Variants in CNTNAP5 observed in about 807,000 individuals in gnomAD.
The protein encoded by CNTNAP5 is contactin associated protein family member 5, also known as contactin-associated protein-like 5.
CNTNAP5 carries 72 observed loss-of-function variants against 150.2 expected under a neutral mutation model. The observed-to-expected ratio is 0.48, with a 90% CI of 0.40 to 0.58. The LOEUF (loss-of-function observed/expected upper bound fraction) is 0.58. Ranked by LOEUF, CNTNAP5 falls within the 20% of genes least tolerant of loss-of-function variation. The pLI, the probability that CNTNAP5 is intolerant of heterozygous loss-of-function variation, is 0.00. For synonymous variants in CNTNAP5, 672 were observed against 619.8 expected (o/e 1.08, Z -1.25); for missense variants, 1,636 against 1,626.2 (o/e 1.01, Z -0.10).
At chr2:124,194,701 TATAAC>T (rs1238713765) in intron 1 of CNTNAP5, among the ~76,000 whole-genome samples, 2 of 150,434 alleles carry the variant, frequency 1.3e-5, no homozygotes, top group African/African-American at 2.4e-5. Flanking sequence ...ATTATAATCA[TATAAC>T]ATAATATTTT....
chr2:124,214,135 A>G (rs1433084458), intron 1 of CNTNAP5, among the ~76,000 whole-genome samples: 3 of 152,154 alleles, frequency 2.0e-5, no homozygotes, highest in Admixed American at 2.0e-4. Context: ...CAGCTGTTGC[A>G]GTGACTGTGA....
At chr2:124,513,142 A>C (rs2104874139) in intron 8 of CNTNAP5, among the ~76,000 whole-genome samples, 1 of 152,308 alleles carries the variant, frequency 6.6e-6, no homozygotes, top group African/African-American at 2.4e-5. Context: ...ATATTTTCTC[A>C]GTTTTGGAGG....
rs1678777410 is a variant in CNTNAP5, at chr2:124,916,759, G to C, written c.*2471G>C. Reference sequence around the variant, plus strand: ...AACTGGCATCTTCCTCACGTGTGTAGACTCCATGCACACTACATACCACAG... The same window carrying C: ...AACTGGCATCTTCCTCACGTGTGTACACTCCATGCACACTACATACCACAG... On this transcript the variant is annotated 3_prime_UTR_variant, in exon 24 of 24. Transcript: ENST00000682447. Among the ~76,000 whole-genome samples, 1 of 151,978 alleles carries C rather than the reference G, an allele frequency of 6.6e-6. No homozygotes were observed. The highest frequency in any genetic ancestry group is 1.5e-5 in the Non-Finnish European group (1 of 67,982).
In CNTNAP5 at chr2:124,580,808, T is replaced by G. The variant is rs560391962; in HGVS notation, c.1756+17485T>G. ...CAAAACCTATGCATATGGAGTGATTTGCATGACAGTACTTGATTCTTTGCT... is the reference window on the plus strand; with the variant it reads ...CAAAACCTATGCATATGGAGTGATTGGCATGACAGTACTTGATTCTTTGCT... On this transcript the variant is annotated intron_variant, in intron 11 of 23. Transcript: ENST00000682447. Among the ~76,000 whole-genome samples the G allele has an allele frequency of 3.3e-5, 5 of 152,352 alleles. No homozygotes were observed. The South Asian group carries it at 1.0e-3, about 32-fold the overall frequency.
At chr2:124,490,452 AAG>A (rs1446643758) in intron 7 of CNTNAP5, among the ~76,000 whole-genome samples, 2 of 151,962 alleles carry the variant, frequency 1.3e-5, no homozygotes, top group Non-Finnish European at 2.9e-5. Context: ...AAGAGAAAGA[AAG>A]AGCAGGAATA....
At chr2:124,781,895 T>A (rs1448792040) in intron 17 of CNTNAP5, among the ~76,000 whole-genome samples, 1 of 152,184 alleles carries the variant, frequency 6.6e-6, no homozygotes, top group Admixed American at 6.5e-5. Context: ...TGGGGGTTAC[T>A]GTCAGGATGA....
chr2:124,029,103 T>C (rs1402999635), intron 1 of CNTNAP5, among the ~76,000 whole-genome samples: 1 of 152,080 alleles, frequency 6.6e-6, no homozygotes, highest in Non-Finnish European at 1.5e-5. Flanking sequence ...TGTTGCTACA[T>C]ATTAGGGTCA....
chr2:124,457,797 C>T (rs557469669), intron 6 of CNTNAP5, among the ~76,000 whole-genome samples: 1 of 152,080 alleles, frequency 6.6e-6, no homozygotes, highest in African/African-American at 2.4e-5. Context: ...AAATGGCCAA[C>T]AAACATATGA....
chr2:124,285,306 A>C (rs145263978), intron 3 of CNTNAP5, among the ~76,000 whole-genome samples: 224 of 152,278 alleles, frequency 1.5e-3, no homozygotes, highest in African/African-American at 3.5e-3. Context: ...ACTCTTGGGA[A>C]TATCTGGGAC....
chr2:124,438,890 C>T (rs1304340843), intron 5 of CNTNAP5, among the ~76,000 whole-genome samples: 1 of 152,080 alleles, frequency 6.6e-6, no homozygotes, highest in East Asian at 1.9e-4. Flanking sequence ...TATCCAAACC[C>T]ATTTACAGAT....
chr2:124,139,591 C>T (rs947349937), intron 1 of CNTNAP5, among the ~76,000 whole-genome samples: 5 of 152,070 alleles, frequency 3.3e-5, no homozygotes, highest in Admixed American at 2.6e-4. Flanking sequence ...GAGGCAGGTG[C>T]CTGTTTCTCC....
At chr2:124,286,363 C>A (rs1185784498) in intron 3 of CNTNAP5, among the ~76,000 whole-genome samples, 1 of 152,204 alleles carries the variant, frequency 6.6e-6, no homozygotes, top group African/African-American at 2.4e-5. Context: ...CAGTTACATT[C>A]CAGAGCAGCA....
intron 7 of CNTNAP5, among the ~76,000 whole-genome samples, chr2:124,496,088 G>C (rs1275547643): frequency 6.6e-6 from 1 of 152,132 alleles, no homozygotes; most frequent in Non-Finnish European, 1.5e-5. Flanking sequence ...CCGTAGTCAT[G>C]AGAATCAAGG....
chr2:124,618,568 G>A (rs550029698), intron 12 of CNTNAP5, among the ~76,000 whole-genome samples: 23 of 152,116 alleles, frequency 1.5e-4, no homozygotes, highest in South Asian at 2.1e-4. Flanking sequence ...TCAGTCTCTC[G>A]TTGCTCCTTC....
chr2:124,764,264 TG>T, intron 16 of CNTNAP5, 117 bp downstream of exon 16: 1 of 759,574 alleles, frequency 1.3e-6, no homozygotes, highest in Non-Finnish European at 2.2e-6. Flanking sequence ...ACTGGACATC[TG>T]TAAAATTAGC....
intron 21 of CNTNAP5, among the ~76,000 whole-genome samples, chr2:124,889,296 C>T (rs1459162051): frequency 6.6e-6 from 1 of 151,762 alleles, no homozygotes; most frequent in East Asian, 1.9e-4. Context: ...GACGGGGTTT[C>T]ACCATGTTGG....
chr2:124,419,501 A>G (rs2104779236), intron 4 of CNTNAP5, among the ~76,000 whole-genome samples: 1 of 152,320 alleles, frequency 6.6e-6, no homozygotes, highest in East Asian at 1.9e-4. Context: ...TTTCTACAGT[A>G]TGAGAAGGTT....
In CNTNAP5 at chr2:124,696,645, G is replaced by A. The variant is rs1679412202; in HGVS notation, c.2077+48687G>A. 2.6e-5 allele frequency among the ~76,000 whole-genome samples: 4 copies of A among 152,108 alleles called. No homozygotes were observed. In the South Asian group the frequency reaches 6.2e-4, roughly 24 times the overall value. ...TATGGCCTTCGTCAAATAAATCAATGAACTTAAGAAAACCCAGAACTCAGG... is the reference window on the plus strand; with the variant it reads ...TATGGCCTTCGTCAAATAAATCAATAAACTTAAGAAAACCCAGAACTCAGG... On this transcript the variant is annotated intron_variant, in intron 13 of 23. Transcript: ENST00000682447.
rs1694995648 is a variant in CNTNAP5, at chr2:124,527,355, C to T, written c.1548C>T (p.Leu516=). 6.2e-7 allele frequency: 1 copy of T among 1,613,536 alleles called. No individual in the cohort carries two copies. The highest frequency in any genetic ancestry group is 1.3e-5 in the African/African-American group (1 of 74,918). The part of the protein sequence containing the change: ...PIKAFQGCMR[L]IFIDNQPKDL... The stretch of plus-strand genomic sequence containing the variant: ...AGGCTTTCCAAGGCTGCATGAGGCT[C>T]ATCTTTATTGATAACCAGCCCAAGG... The change falls in exon 10 of 24, where the codon CTC becomes CTT. Residue 516 remains leucine (L), a synonymous_variant. Coordinates refer to ENST00000682447, the MANE Select transcript of CNTNAP5 (RefSeq NM_001367498.1).
Sources: allele counts gnomAD v4.1 joint callset (sites outside exome capture counted in the v4.1 genomes callset), GRCh38; gene constraint gnomAD v4.1.1; transcripts MANE v1.5; gene names NCBI Gene and HGNC (gene_info 2026-07-23, HGNC 2026-07-21).